The following FRMD4A variants were observed in gnomAD, a reference collection of about 807,000 sequenced individuals.
FRMD4A encodes the protein FERM domain containing 4A.
A neutral mutation model predicts 129.1 loss-of-function variants in FRMD4A; 29 were observed. The observed-to-expected ratio is 0.22, with a 90% CI of 0.17 to 0.31. FRMD4A has a LOEUF of 0.31. Ranked by LOEUF, FRMD4A falls within the 10% of genes least tolerant of loss-of-function variation. The pLI is 1.00. For synonymous variants in FRMD4A, 634 were observed against 571.6 expected (o/e 1.11, Z -1.56); for missense variants, 1,272 against 1,375.8 (o/e 0.92, Z 1.19).
chr10:13,702,715 A>AT (rs975291544), intron 13 of FRMD4A, among the ~76,000 whole-genome samples: 5 of 151,534 alleles, frequency 3.3e-5, no homozygotes, highest in South Asian at 2.1e-4. Flanking sequence ...AAACAATAAC[A>AT]TTTTTTTTCA....
At chr10:14,000,539 CAGGAGGCTGAGGCAGGA>C (rs2095638157) in intron 2 of FRMD4A, among the ~76,000 whole-genome samples, 1 of 146,422 alleles carries the variant, frequency 6.8e-6, no homozygotes, top group African/African-American at 2.5e-5. Flanking sequence ...GTCAGCCACT[CAGGAGGCTGAGGCAGGA>C]GAACCACCTG....
chr10:13,792,766 T>G (rs1381427960), intron 5 of FRMD4A, among the ~76,000 whole-genome samples: 2 of 152,166 alleles, frequency 1.3e-5, no homozygotes, highest in Admixed American at 6.5e-5. Context: ...GTTGAAAAAC[T>G]GGATGGACCA....
chr10:14,189,251 G>T (rs1842242498), intron 2 of FRMD4A, among the ~76,000 whole-genome samples: 1 of 152,146 alleles, frequency 6.6e-6, no homozygotes. Context: ...AGAAATGCAA[G>T]AATTTGAGGT....
At chr10:13,837,212 C>A (rs557276317) in intron 3 of FRMD4A, among the ~76,000 whole-genome samples, 1 of 152,182 alleles carries the variant, frequency 6.6e-6, no homozygotes, top group Non-Finnish European at 1.5e-5. Context: ...AAGGGGGTTG[C>A]TCTTTGAGAC....
chr10:13,884,776 T>C (rs909807648), intron 2 of FRMD4A, among the ~76,000 whole-genome samples: 1 of 152,230 alleles, frequency 6.6e-6, no homozygotes, highest in Admixed American at 6.5e-5. Context: ...AAATCTTCCC[T>C]GTTCCCAACA....
intron 3 of FRMD4A, among the ~76,000 whole-genome samples, chr10:13,831,370 C>T (rs561533544): frequency 1.4e-4 from 21 of 152,224 alleles, no homozygotes; most frequent in African/African-American, 4.3e-4. Context: ...ATTGCTTGAG[C>T]GTAGGAGTTT....
At chr10:13,694,948 C>T (rs4253972) in intron 14 of FRMD4A, among the ~76,000 whole-genome samples, 148,427 of 152,280 alleles carry the variant, frequency 0.97, 72,447 homozygotes, top group Middle Eastern at 1. Context: ...GTCCCACCAA[C>T]GAACGTCTGA....
At chr10:13,711,964 TG>T (rs760672399) in intron 12 of FRMD4A, 2 of 152,226 alleles carry the variant, frequency 1.3e-5, no homozygotes, top group Non-Finnish European at 2.9e-5. Flanking sequence ...GACTAATGGA[TG>T]GTTAACTTTA....
chr10:14,151,814 T>C (rs538883752), intron 2 of FRMD4A, among the ~76,000 whole-genome samples: 2 of 152,264 alleles, frequency 1.3e-5, no homozygotes, highest in East Asian at 3.9e-4. Flanking sequence ...TTTTCTCCCT[T>C]TTTCTCTCCT....
At chr10:14,127,425 G>A (rs1390872111) in intron 2 of FRMD4A, among the ~76,000 whole-genome samples, 1 of 152,186 alleles carries the variant, frequency 6.6e-6, no homozygotes, top group Non-Finnish European at 1.5e-5. Flanking sequence ...AGGTAGACAG[G>A]AGGCCTTGCT....
At chr10:13,837,576 C>T (rs938469365) in intron 3 of FRMD4A, among the ~76,000 whole-genome samples, 1 of 152,218 alleles carries the variant, frequency 6.6e-6, no homozygotes, top group African/African-American at 2.4e-5. Context: ...TAACAGTTGG[C>T]CAGATGAGGC....
chr10:13,886,314 G>A (rs563112961), intron 2 of FRMD4A, among the ~76,000 whole-genome samples: 2 of 152,070 alleles, frequency 1.3e-5, no homozygotes, highest in South Asian at 4.2e-4. Flanking sequence ...CAATGAACAG[G>A]CTAATCCCAC....
chr10:14,075,721 T>C (rs1835552001), intron 2 of FRMD4A, among the ~76,000 whole-genome samples: 1 of 149,430 alleles, frequency 6.7e-6, no homozygotes, highest in Non-Finnish European at 1.5e-5. Flanking sequence ...AGTATGTGTG[T>C]ATACATATAG....
chr10:13,924,448 C>T (rs2095107361), intron 2 of FRMD4A, among the ~76,000 whole-genome samples: 1 of 151,846 alleles, frequency 6.6e-6, no homozygotes, highest in Non-Finnish European at 1.5e-5. Context: ...GCCATGCTCC[C>T]ACCTCTAGGC....
At chr10:14,010,388 G>T (rs528890471) in intron 2 of FRMD4A, among the ~76,000 whole-genome samples, 8 of 152,122 alleles carry the variant, frequency 5.3e-5, no homozygotes, top group Admixed American at 2.0e-4. Context: ...AATGTTAATG[G>T]TAACAAAAAT....
chr10:13,845,427 C>T (rs774403181), intron 3 of FRMD4A, among the ~76,000 whole-genome samples: 1 of 152,194 alleles, frequency 6.6e-6, no homozygotes, highest in Non-Finnish European at 1.5e-5. Flanking sequence ...AACTCTACGA[C>T]TACTCCATGA....
At chr10:14,015,270 C>T (rs1217492395) in intron 2 of FRMD4A, among the ~76,000 whole-genome samples, 2 of 100,016 alleles carry the variant, frequency 2.0e-5, no homozygotes, top group East Asian at 3.7e-4. Flanking sequence ...CCTTTCCTTC[C>T]TTTCTTCCTT....
At chr10:13,707,860 G>A (rs904740359) in intron 12 of FRMD4A, 14 of 985,060 alleles carry the variant, frequency 1.4e-5, no homozygotes, top group Non-Finnish European at 1.6e-5. Flanking sequence ...GGGCCCTGGC[G>A]GTCATTCCTC....
In FRMD4A at chr10:13,740,375, T is replaced by C. The variant is rs2090916867; in HGVS notation, c.615-124A>G. On this transcript the variant is annotated intron_variant, in intron 10 of 24. Coordinates refer to ENST00000357447, the MANE Select transcript of FRMD4A (RefSeq NM_018027.5). ...CGTGATAAAGTTCTCGGAGTGATTA[T>C]TTACTTGAAAATTAAATGGAAACAT... 7 of 895,140 alleles carry C rather than the reference T, an allele frequency of 7.8e-6. 1 individual carries two copies. In the South Asian group the frequency reaches 9.8e-5, roughly 13 times the overall value. The allele number at this position is 895,140 out of a possible 1,614,324, so 55.4% of individuals were successfully genotyped here.
Sources: allele counts gnomAD v4.1 joint callset (sites outside exome capture counted in the v4.1 genomes callset), GRCh38; gene constraint gnomAD v4.1.1; transcripts MANE v1.5; gene names NCBI Gene and HGNC (gene_info 2026-07-23, HGNC 2026-07-21).